The following ATG4B variants were observed in gnomAD, a reference collection of about 807,000 sequenced individuals.
The protein encoded by ATG4B is autophagy related 4B cysteine peptidase.
In ATG4B, 29 loss-of-function variants were observed where a neutral mutation model predicts 56.6. The observed-to-expected ratio is 0.51, with a 90% CI of 0.38 to 0.70. The LOEUF (loss-of-function observed/expected upper bound fraction) is 0.70. Ranked by LOEUF, ATG4B falls within the 30% of genes least tolerant of loss-of-function variation. The pLI is 0.00. For synonymous variants in ATG4B, 224 were observed against 206.1 expected, an observed-to-expected ratio of 1.09 and a Z score of -0.74; for missense variants, 461 against 515.5, an observed-to-expected ratio of 0.89 and a Z score of 1.02.
chr2:241,668,610 C>A lies in ATG4B; in HGVS notation c.882C>A (p.Ile294=). The part of the protein sequence containing the change: ...PAVEPTDGCF[I]PDESFHCQHP... ...TGGAGCCCACTGATGGCTGCTTCAT[C>A]CCGGACGAGAGCTTCCACTGCCAGC... The change falls in exon 10 of 13, where the codon ATC becomes ATA. Residue 294 remains isoleucine, a synonymous_variant. Transcript: ENST00000404914. The surrounding 1 kb of genome is among the most constrained non-coding windows in gnomAD (Gnocchi z 4.2). 5 of 1,596,186 alleles carry A rather than the reference C, an allele frequency of 3.1e-6. No homozygotes were observed. In the East Asian group the frequency reaches 1.1e-4, roughly 36 times the overall value.
intron 1 of ATG4B, among the ~76,000 whole-genome samples, chr2:241,647,783 G>A (rs1049781468): frequency 6.6e-6 from 1 of 152,136 alleles, no homozygotes; most frequent in Non-Finnish European, 1.5e-5. Context: ...CTTTAGAGAG[G>A]TAGCAGGGAC....
chr2:241,664,514 G>T (rs1292080308), intron 7 of ATG4B, among the ~76,000 whole-genome samples: 2 of 152,120 alleles, frequency 1.3e-5, no homozygotes, highest in Admixed American at 1.3e-4. Flanking sequence ...CTCCAGCCTG[G>T]GTGACACAGT....
chr2:241,648,616 A>C (rs917025974), intron 1 of ATG4B, among the ~76,000 whole-genome samples: 1 of 151,598 alleles, frequency 6.6e-6, no homozygotes, highest in African/African-American at 2.4e-5. Context: ...AGAAAAAAAA[A>C]CAGGAGCAGA....
intron 7 of ATG4B, 162 bp from the exon 8 acceptor site, chr2:241,666,483 A>G: frequency 1.4e-6 from 1 of 735,988 alleles, no homozygotes; most frequent in South Asian, 1.9e-5. Flanking sequence ...ATTATGAAAA[A>G]ATTTTCTTAC....
chr2:241,651,422 G>A lies in ATG4B; in HGVS notation c.184+87G>A, dbSNP rs966679176. On this transcript the variant is annotated intron_variant, in intron 3 of 12. Transcript: ENST00000404914. This position sits in a 1 kb window ranked among gnomAD's most constrained non-coding sequence, Gnocchi z 4.1. Reference sequence around the variant, plus strand: ...ACGCTTGTAGATTTGACTTCAATATGCCACTGACTTCATTTGAATCTTCAC... The same window carrying A: ...ACGCTTGTAGATTTGACTTCAATATACCACTGACTTCATTTGAATCTTCAC... 2.4e-5 allele frequency: 24 copies of A among 1,004,614 alleles called. No homozygotes were observed. The highest frequency in any genetic ancestry group is 1.6e-4 in the Admixed American group (7 of 42,520). 62.2% of individuals were successfully genotyped at this position (1,004,614 alleles called of 1,614,324 possible). A position where few individuals can be genotyped will look rare whatever the true frequency, so the allele number is the denominator to read the frequency against.
At chr2:241,656,067 T>C (rs1439866667) in intron 6 of ATG4B, among the ~76,000 whole-genome samples, 1 of 152,108 alleles carries the variant, frequency 6.6e-6, no homozygotes, top group East Asian at 1.9e-4. Flanking sequence ...AGGGCCAGCG[T>C]CTCCCCAGCC....
intron 7 of ATG4B, among the ~76,000 whole-genome samples, chr2:241,666,098 C>T (rs1390009067): frequency 6.6e-6 from 1 of 152,244 alleles, no homozygotes; most frequent in East Asian, 1.9e-4. Context: ...GCCCTGGAAT[C>T]AGCCTGGCTC....
At position 241,671,920 on chromosome 2, in the gene ATG4B, C is replaced by T. The variant is rs556315507; in HGVS notation, c.1109-271C>T. The T allele has an allele frequency of 1.1e-4, 151 of 1,367,018 alleles. 2 individuals carry two copies. The South Asian group carries it at 1.9e-3, about 17-fold the overall frequency. 84.7% of individuals were successfully genotyped at this position (1,367,018 alleles called of 1,614,324 possible). A position where few individuals can be genotyped will look rare whatever the true frequency, so the allele number is the denominator to read the frequency against. On this transcript the variant is annotated intron_variant, in intron 12 of 12. Transcript: ENST00000404914. ...GCAATGGAACCACTCCTGATGACCA[C>T]GAGGGTCAGACGCGGGACAGAGGCC...
chr2:241,656,065 C>T (rs933558399), intron 6 of ATG4B, among the ~76,000 whole-genome samples: 4 of 152,136 alleles, frequency 2.6e-5, no homozygotes, highest in African/African-American at 7.2e-5. Context: ...TGAGGGCCAG[C>T]GTCTCCCCAG....
intron 7 of ATG4B, among the ~76,000 whole-genome samples, chr2:241,666,392 T>G (rs1340841837): frequency 6.6e-6 from 1 of 152,266 alleles, no homozygotes; most frequent in Admixed American, 6.5e-5. Context: ...TTGCACTGTT[T>G]CGTGTGTGTG....
chr2:241,668,410 G>A lies in ATG4B; in HGVS notation c.812-130G>A, dbSNP rs543335716. ...TTTCCCTGATGGTCTGGTGCCCTCG[G>A]CTCCCTCCCCACCTCCTGCCCACTG... On this transcript the variant is annotated intron_variant, in intron 9 of 12. Transcript: ENST00000404914. The surrounding 1 kb of genome is among the most constrained non-coding windows in gnomAD (Gnocchi z 4.2). 2 of 1,426,670 alleles carry A rather than the reference G, an allele frequency of 1.4e-6. No homozygotes were observed. Among genetic ancestry groups the A allele is most frequent in the Non-Finnish European group, 1.9e-6 (2 of 1,044,054 alleles). 88.4% of individuals were successfully genotyped at this position (1,426,670 alleles called of 1,614,324 possible). A position where few individuals can be genotyped will look rare whatever the true frequency, so the allele number is the denominator to read the frequency against.
rs760555468 is a variant in ATG4B at position 241,637,739 on chromosome 2, G to A, written c.10+15G>A. 109 of 1,573,240 alleles carry A rather than the reference G, an allele frequency of 6.9e-5. No individual in the cohort carries two copies. The highest frequency in any genetic ancestry group is 5.2e-6 in the Non-Finnish European group (6 of 1,163,528). ...GATGGACGCAGGTGAGGAGTTGCCGGGGGTCGGTCTTTCCGCAGGAGGTGC... is the reference window on the plus strand; with the variant it reads ...GATGGACGCAGGTGAGGAGTTGCCGAGGGTCGGTCTTTCCGCAGGAGGTGC... On this transcript the variant is annotated intron_variant, in intron 1 of 12. Transcript: ENST00000404914.
intron 1 of ATG4B, among the ~76,000 whole-genome samples, chr2:241,640,788 G>C (rs1047827391): frequency 2.0e-5 from 3 of 152,144 alleles, no homozygotes; most frequent in Non-Finnish European, 4.4e-5. Flanking sequence ...CAGGTGCAGC[G>C]GGTGGCGGTG....
intron 1 of ATG4B, among the ~76,000 whole-genome samples, chr2:241,644,267 C>T (rs536967735): frequency 8.5e-5 from 13 of 152,216 alleles, no homozygotes; most frequent in African/African-American, 1.7e-4. Flanking sequence ...CCCTTGAGGC[C>T]GGAAGGGGGA....
chr2:241,659,140 TGGC>T lies in ATG4B; in HGVS notation c.494_496del (p.Ala165del). 6.2e-7 allele frequency: 1 copy of T among 1,612,618 alleles called. No individual in the cohort carries two copies. Among genetic ancestry groups the T allele is most frequent in the Non-Finnish European group, 8.5e-7 (1 of 1,178,816 alleles). ...GCTGTCTTCGATACGTGGAGCTCCT[TGGC>T]GGTCCACATTGCAATGGACAACACT... On this transcript the variant is annotated inframe_deletion, in exon 7 of 13. Transcript: ENST00000404914.
chr2:241,667,145 G>A (rs1315908159), intron 8 of ATG4B, among the ~76,000 whole-genome samples: 2 of 152,122 alleles, frequency 1.3e-5, no homozygotes, highest in African/African-American at 4.8e-5. Flanking sequence ...GCCCCCTCCC[G>A]GGTCTCCACT....
In ATG4B at chr2:241,672,443, TC is replaced by T. The variant is rs1380557362; in HGVS notation, c.*180del. 1.6e-6 allele frequency: 1 copy of T among 625,716 alleles called. No individual in the cohort carries two copies. The highest frequency in any genetic ancestry group is 1.8e-5 in the African/African-American group (1 of 54,206). 38.8% of individuals were successfully genotyped at this position (625,716 alleles called of 1,614,324 possible). On this transcript the variant is annotated 3_prime_UTR_variant, in exon 13 of 13. Coordinates refer to ENST00000404914, the MANE Select transcript of ATG4B (RefSeq NM_013325.5). ...GCCCGGGAGGCCTTACTGCTTGGTG[TC>T]AGACTGCCCAGCTCAGAGTGCCCGT...
chr2:241,670,838 T>C (rs35454903), intron 11 of ATG4B, 56 bp downstream of exon 11: 410,035 of 1,548,266 alleles, frequency 0.26, 55,915 homozygotes, highest in Middle Eastern at 0.3. Flanking sequence ...AGACAGGCAG[T>C]GGGGCGTGCA....
At chr2:241,647,146 C>G (rs554010971) in intron 1 of ATG4B, among the ~76,000 whole-genome samples, 1 of 152,138 alleles carries the variant, frequency 6.6e-6, no homozygotes, top group Admixed American at 6.5e-5. Context: ...TAATCCCATC[C>G]TAATTAAGGA....
Sources: gnomAD v4.1 joint callset for allele counts (sites outside exome capture counted in the v4.1 genomes callset) on GRCh38, gnomAD v4.1.1 for gene constraint, Gnocchi (gnomAD v3.1) non-coding constraint, MANE v1.5 for transcripts, NCBI Gene and HGNC (gene_info 2026-07-23, HGNC 2026-07-21) for gene names.